PRKAB1: variants seen among roughly 807,000 people sequenced by gnomAD.
The protein encoded by PRKAB1 is protein kinase AMP-activated non-catalytic subunit beta 1.
Under a neutral mutation model 32.0 loss-of-function variants are expected in PRKAB1, and 18 were observed. The ratio of observed to expected loss-of-function variants is 0.56; its 90% CI spans 0.39 to 0.83. The LOEUF (loss-of-function observed/expected upper bound fraction) is 0.83, where lower values mean the gene tolerates loss of function less well. Among genes scored for constraint, PRKAB1 ranks in the 40% least tolerant of loss-of-function variants. The probability of loss-of-function intolerance (pLI) is 0.00; values close to 1 mark genes in which losing one functional copy is unlikely to be tolerated. For missense variants in PRKAB1, 263 were observed against 352.6 expected, an observed-to-expected ratio of 0.75 and a Z score of 2.03; for synonymous variants, 141 against 141.4, an observed-to-expected ratio of 1.00 and a Z score of 0.02.
intron 1 of PRKAB1, chr12:119,671,540 T>A (rs1352279676): frequency 2.5e-6 from 1 of 394,350 alleles, no homozygotes; most frequent in East Asian, 8.8e-5. Context: ...GCCAGATGCT[T>A]ATAAAACCAT....
rs765766033 is a variant in PRKAB1 at position 119,668,318 on chromosome 12, CG to C, written c.80del (p.Gly27AlafsTer11). On this transcript the variant is annotated frameshift_variant, in exon 1 of 7. Transcript: ENST00000229328. LOFTEE classifies it high-confidence loss of function. ...CATAAGACGCCCCGGAGGGACAGCT[CG>C]GGGGGCACCAAGGACGGGGACAGGC... ...GGHKTPRRDS[S>X]GGTKDGDRPK... 6.2e-7 allele frequency: 1 copy of C among 1,612,896 alleles called. No homozygotes were observed. The highest frequency in any genetic ancestry group is 1.7e-5 in the Admixed American group (1 of 59,824).
upstream of PRKAB1, chr12:119,668,101 C>A: frequency 9.2e-7 from 1 of 1,081,966 alleles, no homozygotes; most frequent in Non-Finnish European, 1.2e-6. Context: ...GAACCGGCTC[C>A]CGGCCCGAGG....
Position 119,679,910 on chromosome 12 carries a change from C to A in PRKAB1, c.667-23C>A. On this transcript the variant is annotated intron_variant, in intron 5 of 6. Transcript: ENST00000229328. The surrounding 1 kb of genome is among the most constrained non-coding windows in gnomAD (Gnocchi z 4.1). ...TTGGTTTCCAAATCCCAAATGCTCA[C>A]CGCTGCCTTTGTTCCCTCACAGTGT... The A allele has an allele frequency of 6.2e-7, 1 of 1,612,606 alleles. No individual in the cohort carries two copies. The highest frequency in any genetic ancestry group is 8.5e-7 in the Non-Finnish European group (1 of 1,178,578).
chr12:119,672,089 A>G (rs775132819), intron 1 of PRKAB1, among the ~76,000 whole-genome samples: 46 of 152,246 alleles, frequency 3.0e-4, no homozygotes, highest in Non-Finnish European at 3.2e-4. Flanking sequence ...GTCAGACACT[A>G]TATAGAGCAC....
rs368428846 is a variant in PRKAB1, at chr12:119,668,541, C to T, written c.159+138C>T. 9 of 1,185,210 alleles carry T rather than the reference C, an allele frequency of 7.6e-6. No individual in the cohort carries two copies. In the East Asian group the frequency reaches 1.6e-4, roughly 22 times the overall value. 73.4% of individuals were successfully genotyped at this position (1,185,210 alleles called of 1,614,324 possible). A position where few individuals can be genotyped will look rare whatever the true frequency, so the allele number is the denominator to read the frequency against. On this transcript the variant is annotated intron_variant, in intron 1 of 6. Coordinates refer to ENST00000229328, the MANE Select transcript of PRKAB1 (RefSeq NM_006253.5). ...GTACATTACCCGGTGCACTTAAAAG[C>T]CAGATGGTCCTGTAAGAGTTCTCTT...
Position 119,668,204 on chromosome 12 carries a change from A to C in PRKAB1, c.-41A>C. 4 of 1,528,098 alleles carry C rather than the reference A, an allele frequency of 2.6e-6. No homozygotes were observed. The highest frequency in any genetic ancestry group is 3.5e-6 in the Non-Finnish European group (4 of 1,144,900). 94.7% of individuals were successfully genotyped at this position (1,528,098 alleles called of 1,614,324 possible). On this transcript the variant is annotated 5_prime_UTR_variant, in exon 1 of 7. Coordinates refer to ENST00000229328, the MANE Select transcript of PRKAB1 (RefSeq NM_006253.5). Reference sequence around the variant, plus strand: ...TGCTCAGGGTCCCTTTCCTGCAGTGAGGCGCCGTCCGCCTTCCCTGTGTCC... The same window carrying C: ...TGCTCAGGGTCCCTTTCCTGCAGTGCGGCGCCGTCCGCCTTCCCTGTGTCC...
At position 119,672,385 on chromosome 12, in the gene PRKAB1, T is replaced by G. The variant is rs1955394570; in HGVS notation, c.244T>G (p.Phe82Val). ...TCCCGCCCAGGCTCGGCCAACGGTG[T>G]TTCGATGGACGGGGGGCGGAAAGGA... The part of the protein sequence containing the change: ...KAPAQARPTV[F>V]RWTGGGKEVY... Residue 82 changes from phenylalanine (F) to valine (V), a missense_variant, in exon 2 of 7, where the codon TTT becomes GTT. Transcript: ENST00000229328. 6.2e-7 allele frequency: 1 copy of G among 1,612,862 alleles called. No homozygotes were observed. The highest frequency in any genetic ancestry group is 1.3e-5 in the African/African-American group (1 of 74,894).
chr12:119,680,358 G>A lies in PRKAB1; in HGVS notation c.*33G>A. 1.3e-6 allele frequency: 2 copies of A among 1,574,994 alleles called. No individual in the cohort carries two copies. Among genetic ancestry groups the A allele is most frequent in the Non-Finnish European group, 1.7e-6 (2 of 1,145,136 alleles). ...GGGGCGGATGGTGGCCCAGGAGACA[G>A]CACACCACCAGGCTCCACACGTGCA... On this transcript the variant is annotated 3_prime_UTR_variant, in exon 7 of 7. Coordinates refer to ENST00000229328, the MANE Select transcript of PRKAB1 (RefSeq NM_006253.5).
chr12:119,676,555 C>T lies in PRKAB1; in HGVS notation c.551C>T (p.Pro184Leu), dbSNP rs1199018613. 1.1e-5 allele frequency: 18 copies of T among 1,613,454 alleles called. No individual in the cohort carries two copies. The highest frequency in any genetic ancestry group is 1.4e-5 in the Non-Finnish European group (16 of 1,179,550). The change falls in exon 5 of 7, where the codon CCA becomes CTA. Residue 184 changes from proline to leucine, a missense_variant. Coordinates refer to ENST00000229328, the MANE Select transcript of PRKAB1 (RefSeq NM_006253.5). ...SDVSELSSSP[P>L]GPYHQEPYVC... ...CCAACAGAGCTGTCCAGTTCTCCCCCAGGACCCTACCATCAGGAGCCCTAC... is the reference window on the plus strand; with the variant it reads ...CCAACAGAGCTGTCCAGTTCTCCCCTAGGACCCTACCATCAGGAGCCCTAC...
rs1217015763 is a variant in PRKAB1, at chr12:119,674,970, G to C, written c.532+516G>C. On this transcript the variant is annotated intron_variant, in intron 4 of 6. Coordinates refer to ENST00000229328, the MANE Select transcript of PRKAB1 (RefSeq NM_006253.5). The surrounding 1 kb of genome is among the most constrained non-coding windows in gnomAD (Gnocchi z 4.3). ...CAGCCTGCACAGCCCAACTCTCCTT[G>C]ATGGGAAGCTATTTGGTACAGAAAT... 6.6e-6 allele frequency among the ~76,000 whole-genome samples: 1 copy of C among 152,240 alleles called. No homozygotes were observed.
intron 4 of PRKAB1, among the ~76,000 whole-genome samples, chr12:119,675,437 T>C (rs188517179): frequency 3.3e-5 from 5 of 152,326 alleles, no homozygotes; most frequent in Admixed American, 3.3e-4. Flanking sequence ...CTTTTAGAGA[T>C]ATCATCTAGT....
In PRKAB1 at chr12:119,679,310, C is replaced by T. The variant is rs144337439; in HGVS notation, c.667-623C>T. The stretch of plus-strand genomic sequence containing the variant: ...TTTGTTGACACAATGATTGGCCCAG[C>T]CTCTGGGATCCTAAGCCTACAGCAG... On this transcript the variant is annotated intron_variant, in intron 5 of 6. Coordinates refer to ENST00000229328, the MANE Select transcript of PRKAB1 (RefSeq NM_006253.5). This position sits in a 1 kb window ranked among gnomAD's most constrained non-coding sequence, Gnocchi z 4.1. 6.6e-6 allele frequency: 1 copy of T among 152,620 alleles called. No individual in the cohort carries two copies. The highest frequency in any genetic ancestry group is 1.5e-5 in the Non-Finnish European group (1 of 68,410). The allele number at this position is 152,620 out of a possible 1,614,324, so 9.5% of individuals were successfully genotyped here.
Position 119,672,287 on chromosome 12 carries a change from T to C in PRKAB1, c.160-14T>C. The C allele has an allele frequency of 6.3e-7, 1 of 1,592,192 alleles. No homozygotes were observed. The highest frequency in any genetic ancestry group is 8.6e-7 in the Non-Finnish European group (1 of 1,169,382). On this transcript the variant is annotated splice_polypyrimidine_tract_variant and intron_variant, in intron 1 of 6. Coordinates refer to ENST00000229328, the MANE Select transcript of PRKAB1 (RefSeq NM_006253.5). ...CTCGCTTATGGCTTTCTGAGTAAACTGCTCTGCTTCTAGGCACCAGAGAAG... is the reference window on the plus strand; with the variant it reads ...CTCGCTTATGGCTTTCTGAGTAAACCGCTCTGCTTCTAGGCACCAGAGAAG...
rs1955457634 is a variant in PRKAB1, at chr12:119,680,555, CATCAA to C, written c.*231_*235del. 9.2e-6 allele frequency: 5 copies of C among 545,070 alleles called. No homozygotes were observed. In the Admixed American group the frequency reaches 1.6e-4, roughly 17 times the overall value. The allele number at this position is 545,070 out of a possible 1,614,324, so 33.8% of individuals were successfully genotyped here. A position where few individuals can be genotyped will look rare whatever the true frequency, so the allele number is the denominator to read the frequency against. On this transcript the variant is annotated 3_prime_UTR_variant, in exon 7 of 7. Coordinates refer to ENST00000229328, the MANE Select transcript of PRKAB1 (RefSeq NM_006253.5). ...CCCATGGCTTTGAGCCTCGGGGACT[CATCAA>C]GTCCAAGAAAAGAGGGAGGGGTGGC...
chr12:119,671,927 A>G (rs1955391409), intron 1 of PRKAB1, among the ~76,000 whole-genome samples: 1 of 152,352 alleles, frequency 6.6e-6, no homozygotes, highest in Middle Eastern at 3.4e-3. Context: ...ACATGACTGT[A>G]CTTCAAATCT....
intron 1 of PRKAB1, chr12:119,670,012 G>A (rs1261956108): frequency 2.0e-5 from 3 of 152,158 alleles, no homozygotes; most frequent in African/African-American, 4.8e-5. Context: ...TGACTTAATC[G>A]TGCTTAAGCA....
rs1228600406 is a variant in PRKAB1 at position 119,668,186 on chromosome 12, G to A, written c.-59G>A. On this transcript the variant is annotated 5_prime_UTR_variant, in exon 1 of 7. Coordinates refer to ENST00000229328, the MANE Select transcript of PRKAB1 (RefSeq NM_006253.5). ...GCGGTTCCGGGAGTCCCTTGCTCAG[G>A]GTCCCTTTCCTGCAGTGAGGCGCCG... is the stretch of plus-strand genomic sequence containing the variant. 1.4e-6 allele frequency: 2 copies of A among 1,472,852 alleles called. No individual in the cohort carries two copies. The highest frequency in any genetic ancestry group is 1.8e-6 in the Non-Finnish European group (2 of 1,116,974). The allele number at this position is 1,472,852 out of a possible 1,614,324, so 91.2% of individuals were successfully genotyped here. A position where few individuals can be genotyped will look rare whatever the true frequency, so the allele number is the denominator to read the frequency against.
intron 1 of PRKAB1, 123 bp from the exon 2 acceptor site, chr12:119,672,178 G>A (rs1955392699): frequency 9.8e-7 from 1 of 1,017,870 alleles, no homozygotes; most frequent in African/African-American, 1.6e-5. Flanking sequence ...GGCACCACTA[G>A]TAAGTTTCCG....
At chr12:119,676,843 G>C (rs1955429818) in intron 5 of PRKAB1, among the ~76,000 whole-genome samples, 173 bp downstream of exon 5, 1 of 152,222 alleles carries the variant, frequency 6.6e-6, no homozygotes, top group African/African-American at 2.4e-5. Flanking sequence ...GAGGTTCCCA[G>C]TGTGGACACC....
Sources: allele counts gnomAD v4.1 joint callset (sites outside exome capture counted in the v4.1 genomes callset), GRCh38; gene constraint gnomAD v4.1.1; non-coding constraint Gnocchi (gnomAD v3.1); transcripts MANE v1.5; gene names NCBI Gene and HGNC (gene_info 2026-07-23, HGNC 2026-07-21).